PARD3: variants seen among roughly 807,000 people sequenced by gnomAD.
The protein encoded by PARD3 is partitioning defective 3 homolog.
PARD3 carries 75 observed loss-of-function variants against 155.4 expected under a neutral mutation model. The observed-to-expected ratio is 0.48, with a 90% CI of 0.40 to 0.58. The LOEUF (loss-of-function observed/expected upper bound fraction) is 0.58, where lower values mean the gene tolerates loss of function less well. PARD3 is among the 20% of genes least tolerant of loss of function. PARD3 has a pLI of 0.00. For missense variants in PARD3, 1,642 were observed against 1,721.7 expected (o/e 0.95, Z 0.82); for synonymous variants, 576 against 610.5 (o/e 0.94, Z 0.83).
chr10:34,173,148 T>C (rs1343298383), intron 22 of PARD3, among the ~76,000 whole-genome samples: 7 of 152,200 alleles, frequency 4.6e-5, no homozygotes, highest in African/African-American at 1.7e-4. Context: ...CACAACTACA[T>C]CTGAATCTCT....
Position 34,560,627 on chromosome 10 carries a change from A to G in PARD3, c.223-43468T>C, listed in dbSNP as rs567822015. 8.5e-5 allele frequency among the ~76,000 whole-genome samples: 13 copies of G among 152,376 alleles called. No homozygotes were observed. In the South Asian group the frequency reaches 1.7e-3, roughly 19 times the overall value. On this transcript the variant is annotated intron_variant, in intron 2 of 24. Transcript: ENST00000374788. Reference sequence around the variant, plus strand: ...TCTACATTTGAAAGTTAATGTCAACAGATGCAAGAATTTTATTTTTAAAAT... The same window carrying G: ...TCTACATTTGAAAGTTAATGTCAACGGATGCAAGAATTTTATTTTTAAAAT...
chr10:34,620,364 G>A (rs1440099645), intron 2 of PARD3, among the ~76,000 whole-genome samples: 1 of 152,152 alleles, frequency 6.6e-6, no homozygotes, highest in Non-Finnish European at 1.5e-5. Context: ...TTTTTGTGAT[G>A]TAGGAAGTGT....
chr10:34,431,807 TG>T (rs1458346009), intron 5 of PARD3, among the ~76,000 whole-genome samples: 1 of 128,368 alleles, frequency 7.8e-6, no homozygotes, highest in African/African-American at 2.7e-5. Context: ...CCCAGCAGTT[TG>T]GGAGGCCGAG....
intron 20 of PARD3, among the ~76,000 whole-genome samples, chr10:34,286,942 C>A (rs558802905): frequency 2.0e-5 from 3 of 151,976 alleles, no homozygotes. Context: ...AGGTCATGGA[C>A]GTTAGGGAAA....
intron 2 of PARD3, among the ~76,000 whole-genome samples, chr10:34,647,080 C>T (rs1234537004): frequency 6.6e-6 from 1 of 152,194 alleles, no homozygotes; most frequent in Non-Finnish European, 1.5e-5. Context: ...CTCATTCATT[C>T]TGACTGCTAT....
chr10:34,734,844 T>G (rs2094884037), intron 1 of PARD3, among the ~76,000 whole-genome samples: 1 of 152,180 alleles, frequency 6.6e-6, no homozygotes. Context: ...CACTAGATGT[T>G]AATACCCAAA....
chr10:34,461,423 G>A (rs1345841431), intron 4 of PARD3, among the ~76,000 whole-genome samples: 1 of 152,100 alleles, frequency 6.6e-6, no homozygotes, highest in Admixed American at 6.5e-5. Flanking sequence ...TGGCCAACAC[G>A]GTGAAACCCT....
chr10:34,578,047 GCT>G (rs544829693), intron 2 of PARD3, among the ~76,000 whole-genome samples: 2 of 134,552 alleles, frequency 1.5e-5, no homozygotes, highest in South Asian at 5.2e-4. Flanking sequence ...GTTTTCTGTT[GCT>G]CTTTTTTTTT....
intron 1 of PARD3, among the ~76,000 whole-genome samples, chr10:34,736,363 C>G (rs943648637): frequency 1.1e-4 from 16 of 143,080 alleles, no homozygotes; most frequent in African/African-American, 4.2e-4. Context: ...GGGTCTTGCT[C>G]TGTCACCCAG....
At chr10:34,440,791 T>C (rs1173686171) in intron 5 of PARD3, among the ~76,000 whole-genome samples, 3 of 152,096 alleles carry the variant, frequency 2.0e-5, no homozygotes, top group African/African-American at 7.2e-5. Flanking sequence ...AAATGAGTGA[T>C]GCTGTGCCCT....
intron 2 of PARD3, among the ~76,000 whole-genome samples, chr10:34,528,912 T>C (rs1161087248): frequency 4.6e-5 from 7 of 152,158 alleles, no homozygotes; most frequent in Admixed American, 4.6e-4. Flanking sequence ...ATTATTCAAA[T>C]GCAGAATGGA....
At chr10:34,164,880 T>G (rs1371842161) in intron 22 of PARD3, among the ~76,000 whole-genome samples, 1 of 152,226 alleles carries the variant, frequency 6.6e-6, no homozygotes, top group East Asian at 1.9e-4. Context: ...TGAAGCGCAC[T>G]GACTAAATGT....
chr10:34,568,921 C>T (rs532881052), intron 2 of PARD3, among the ~76,000 whole-genome samples: 1 of 152,156 alleles, frequency 6.6e-6, no homozygotes, highest in African/African-American at 2.4e-5. Context: ...TTATTATCTC[C>T]AAATAAAAAT....
At chr10:34,495,835 GAAA>G (rs34399388) in intron 3 of PARD3, among the ~76,000 whole-genome samples, 9 of 118,822 alleles carry the variant, frequency 7.6e-5, no homozygotes, top group African/African-American at 2.4e-4. Flanking sequence ...CTTTTAAAAA[GAAA>G]AAAAAAAAAA....
chr10:34,799,639 TCA>T (rs1396702475), intron 1 of PARD3, among the ~76,000 whole-genome samples: 1 of 152,154 alleles, frequency 6.6e-6, no homozygotes, highest in African/African-American at 2.4e-5. Context: ...AAAATGCACA[TCA>T]GTTTGTCATG....
intron 22 of PARD3, among the ~76,000 whole-genome samples, chr10:34,245,345 G>C (rs1024424252): frequency 3.3e-5 from 5 of 152,130 alleles, no homozygotes. Context: ...TAGTTTCAAT[G>C]AGGATAAATA....
intron 5 of PARD3, among the ~76,000 whole-genome samples, chr10:34,433,823 G>A (rs1418819571): frequency 6.6e-6 from 1 of 152,110 alleles, no homozygotes; most frequent in Non-Finnish European, 1.5e-5. Context: ...AATAACAAAT[G>A]TATTCAATAA....
At chr10:34,640,072 C>G (rs2092621169) in intron 2 of PARD3, among the ~76,000 whole-genome samples, 1 of 152,166 alleles carries the variant, frequency 6.6e-6, no homozygotes, top group Non-Finnish European at 1.5e-5. Flanking sequence ...ATACCAATCC[C>G]TCTGACTAGC....
chr10:34,336,355 T>C (rs1394162918), intron 17 of PARD3, 112 bp from the exon 18 acceptor site: 20 of 730,002 alleles, frequency 2.7e-5, no homozygotes, highest in Middle Eastern at 4.7e-4. Flanking sequence ...TAATATTTCA[T>C]GCAAATACTA....
Sources: allele counts gnomAD v4.1 joint callset (sites outside exome capture counted in the v4.1 genomes callset), GRCh38; gene constraint gnomAD v4.1.1; transcripts MANE v1.5; gene names NCBI Gene and HGNC (gene_info 2026-07-23, HGNC 2026-07-21).